Variants in WDFY4 observed in about 807,000 individuals in gnomAD.
WDFY4 encodes the protein WD repeat- and FYVE domain-containing protein 4.
A neutral mutation model predicts 351.9 loss-of-function variants in WDFY4; 169 were observed. The ratio of observed to expected loss-of-function variants is 0.48; its 90% CI spans 0.42 to 0.55. The LOEUF is 0.55. Among genes scored for constraint, WDFY4 ranks in the 20% least tolerant of loss-of-function variants. WDFY4 has a pLI of 0.00. For synonymous variants in WDFY4, 1,622 were observed against 1,574.6 expected (o/e 1.03, Z -0.71); for missense variants, 3,803 against 3,935.6 (o/e 0.97, Z 0.90).
At chr10:48,914,030 G>A (rs1838265044) in intron 47 of WDFY4, 1 of 1,614,224 alleles carries the variant, frequency 6.2e-7, no homozygotes, top group Non-Finnish European at 8.5e-7. Context: ...TACACTTGGG[G>A]AAGGTGGTAA....
At chr10:48,885,828 C>A (rs1294300237) in intron 43 of WDFY4, among the ~76,000 whole-genome samples, 2 of 151,870 alleles carry the variant, frequency 1.3e-5, no homozygotes, top group Non-Finnish European at 2.9e-5. Flanking sequence ...ATTAGTATGA[C>A]GAATTCTCTG....
chr10:48,887,465 C>G (rs1046985373), intron 43 of WDFY4, among the ~76,000 whole-genome samples: 1 of 152,216 alleles, frequency 6.6e-6, no homozygotes, highest in South Asian at 2.1e-4. Flanking sequence ...TACCCTTGAC[C>G]TGCAATTCTG....
At chr10:48,748,115 C>T (rs73308035) in intron 12 of WDFY4, among the ~76,000 whole-genome samples, 12,803 of 152,266 alleles carry the variant, frequency 0.084, 676 homozygotes, top group East Asian at 0.24. Context: ...ACCCTGATAA[C>T]ATACAGGTTA....
At chr10:48,979,665 G>A (rs1484461756) in intron 60 of WDFY4, 1 of 152,134 alleles carries the variant, frequency 6.6e-6, no homozygotes, top group African/African-American at 2.4e-5. Context: ...ATGGATGAAT[G>A]GATGAATGAA....
intron 47 of WDFY4, among the ~76,000 whole-genome samples, chr10:48,911,676 T>C (rs1399553948): frequency 2.6e-5 from 4 of 152,212 alleles, no homozygotes; most frequent in Admixed American, 6.5e-5. Flanking sequence ...TATAAAAATA[T>C]ATACAGAAAA....
At chr10:48,705,570 C>G (rs934259178) in intron 1 of WDFY4, among the ~76,000 whole-genome samples, 2 of 152,160 alleles carry the variant, frequency 1.3e-5, no homozygotes, top group Admixed American at 6.5e-5. Context: ...TCAAATAAAA[C>G]TGGAGCAGGT....
intron 1 of WDFY4, among the ~76,000 whole-genome samples, chr10:48,708,243 G>T (rs768973198): frequency 1.3e-5 from 2 of 152,194 alleles, no homozygotes; most frequent in Non-Finnish European, 2.9e-5. Flanking sequence ...CTGGGGGAAG[G>T]CTGGGTTCTG....
intron 39 of WDFY4, among the ~76,000 whole-genome samples, chr10:48,863,616 A>C (rs757837014): frequency 5.9e-5 from 9 of 152,030 alleles, no homozygotes; most frequent in Non-Finnish European, 1.0e-4. Flanking sequence ...TCAGACATGT[A>C]ATTTATAATT....
At chr10:48,700,738 A>G (rs772938559) in intron 1 of WDFY4, among the ~76,000 whole-genome samples, 6 of 152,278 alleles carry the variant, frequency 3.9e-5, no homozygotes, top group African/African-American at 4.8e-5. Flanking sequence ...GAATTAAATC[A>G]CGTTAGGTGG....
intron 39 of WDFY4, among the ~76,000 whole-genome samples, chr10:48,849,960 G>A (rs1589747911): frequency 6.6e-6 from 1 of 152,204 alleles, no homozygotes; most frequent in East Asian, 1.9e-4. Flanking sequence ...CAGATATTTT[G>A]TAAAATACCC....
At chr10:48,876,232 CAG>C (rs2070002178) in intron 42 of WDFY4, among the ~76,000 whole-genome samples, 2 of 152,212 alleles carry the variant, frequency 1.3e-5, no homozygotes, top group Non-Finnish European at 2.9e-5. Context: ...GCGTGAGCAG[CAG>C]ACACTTTCAA....
intron 47 of WDFY4, among the ~76,000 whole-genome samples, chr10:48,908,128 G>C (rs554628478): frequency 6.6e-6 from 1 of 152,144 alleles, no homozygotes; most frequent in Non-Finnish European, 1.5e-5. Flanking sequence ...ATCCTTAGCC[G>C]TAACCTCAGA....
At chr10:48,942,931 T>C (rs1051505058) in intron 48 of WDFY4, among the ~76,000 whole-genome samples, 7 of 152,230 alleles carry the variant, frequency 4.6e-5, no homozygotes, top group Non-Finnish European at 1.0e-4. Flanking sequence ...TGAGGGCCTC[T>C]GTCTCTGGGA....
Position 48,974,988 on chromosome 10 carries a change from C to A in WDFY4, c.9055C>A (p.Arg3019Ser), listed in dbSNP as rs531186764. ...TCTGGACCACCTCACCCACGTGACC[C>A]GCCTGCCCGCCCATCGGGAAGGCAT... Reference protein sequence around the residue: ...WDLDHLTHVTRLPAHREGISA... With the variant: ...WDLDHLTHVTSLPAHREGISA... Residue 3019 changes from arginine (R) to serine (S), a missense_variant, in exon 58 of 62, where the codon CGC becomes AGC. Physicochemically the swap from Arg to Ser is moderately radical, Grantham distance 110. Coordinates refer to ENST00000325239, the MANE Select transcript of WDFY4 (RefSeq NM_001394531.1). The A allele has an allele frequency of 1.0e-5, 16 of 1,551,682 alleles. No individual in the cohort carries two copies. The highest frequency in any genetic ancestry group is 1.4e-5 in the Non-Finnish European group (16 of 1,147,008).
In WDFY4 at chr10:48,911,272, A is replaced by G. The variant is rs925351460; in HGVS notation, c.7586+9409A>G. ...AGGTGAAGAGAAAAATGTGAAGGAC[A>G]GTGCTTAGTGCTGGCAAGGATGCCG... On this transcript the variant is annotated intron_variant, in intron 47 of 61. Coordinates refer to ENST00000325239, the MANE Select transcript of WDFY4 (RefSeq NM_001394531.1). 2.6e-5 allele frequency among the ~76,000 whole-genome samples: 4 copies of G among 152,230 alleles called. 1 individual carries two copies. The South Asian group carries it at 8.3e-4, about 32-fold the overall frequency.
At chr10:48,970,065 G>A (rs1842270080) in intron 56 of WDFY4, 66 bp from the exon 57 acceptor site, 6 of 1,514,378 alleles carry the variant, frequency 4.0e-6, no homozygotes, top group Non-Finnish European at 5.3e-6. Flanking sequence ...ATACCCCCGT[G>A]ACTCTATCCT....
chr10:48,842,702 C>A (rs1279609998), intron 39 of WDFY4, among the ~76,000 whole-genome samples: 1 of 152,154 alleles, frequency 6.6e-6, no homozygotes, highest in Admixed American at 6.5e-5. Flanking sequence ...GTTCTTAAAC[C>A]TTATCTTAAA....
In WDFY4 at chr10:48,963,880, T is replaced by A. The variant is rs1564533638; in HGVS notation, c.8262T>A (p.His2754Gln). The A allele has an allele frequency of 5.8e-6, 9 of 1,551,618 alleles. No individual in the cohort carries two copies. Among genetic ancestry groups the A allele is most frequent in the Non-Finnish European group, 7.8e-6 (9 of 1,147,008 alleles). The change falls in exon 54 of 62, where the codon CAT becomes CAA. Residue 2754 changes from histidine to glutamine, a missense_variant. By Grantham distance (24) the His-to-Gln change is conservative. Around this residue, in one of 3 missense-constraint regions of WDFY4, gnomAD observed 3,054 missense variants for 3,148.6 expected, o/e 0.97. Coordinates refer to ENST00000325239, the MANE Select transcript of WDFY4 (RefSeq NM_001394531.1). ...ACTTTGTCAGTGCCAACCTCCACCA[T>A]TGGATAGACCTTATTTTTGGGTACA... Reference protein sequence around the residue: ...ESDFVSANLHHWIDLIFGYKQ... With the variant: ...ESDFVSANLHQWIDLIFGYKQ...
At chr10:48,978,476 TGCAGC>T in intron 60 of WDFY4, 83 bp downstream of exon 60, 1 of 1,333,380 alleles carries the variant, frequency 7.5e-7, no homozygotes, top group Non-Finnish European at 1.0e-6. Flanking sequence ...GCCCAAGGGC[TGCAGC>T]TCCTCCCAGG....
Sources: gnomAD v4.1 joint callset for allele counts (sites outside exome capture counted in the v4.1 genomes callset) on GRCh38, gnomAD v4.1.1 for gene constraint, gnomAD v4.1.1 regional missense constraint, MANE v1.5 for transcripts, NCBI Gene and HGNC (gene_info 2026-07-23, HGNC 2026-07-21) for gene names.